Variants in FECH observed in about 807,000 individuals in gnomAD.
FECH encodes the protein ferrochelatase.
A neutral mutation model predicts 56.9 loss-of-function variants in FECH; 40 were observed. The ratio of observed to expected loss-of-function variants is 0.70; its 90% confidence interval spans 0.55 to 0.92. FECH has a LOEUF of 0.92. Among genes scored for constraint, FECH ranks in the 40% least tolerant of loss-of-function variants. The pLI is 0.00. For synonymous variants in FECH, 175 were observed against 198.6 expected, an observed-to-expected ratio of 0.88 and a Z score of 1.00; for missense variants, 431 against 529.1, an observed-to-expected ratio of 0.81 and a Z score of 1.82.
chr18:57,562,280 A>ACAT (rs2050955209), intron 6 of FECH, among the ~76,000 whole-genome samples: 2 of 152,210 alleles, frequency 1.3e-5, no homozygotes, highest in South Asian at 4.1e-4. Context: ...GAATATGGTA[A>ACAT]CATCAGTTCA....
At chr18:57,551,422 T>C in intron 9 of FECH, 48 bp from the exon 10 acceptor site, 1 of 1,488,356 alleles carries the variant, frequency 6.7e-7, no homozygotes, top group Non-Finnish European at 9.3e-7. Context: ...TATTTTATTT[T>C]CCTTTTTTTT....
chr18:57,566,845 C>T (rs766792834), intron 4 of FECH, among the ~76,000 whole-genome samples: 1 of 152,136 alleles, frequency 6.6e-6, no homozygotes, highest in African/African-American at 2.4e-5. Context: ...AACTTCTCTT[C>T]CTAATTCTCT....
rs3848519 is a variant in FECH at position 57,580,104 on chromosome 18, C to A, written c.163G>T (p.Gly55Cys). The A allele has an allele frequency of 0.022, 34,927 of 1,613,968 alleles. 508 individuals are homozygous for A. The highest frequency in any genetic ancestry group is 0.046 in the South Asian group (4,222 of 91,052). ...VTTETAQHAQ[G>C]AKPQVQPQKR... ...TGCGGTTGAACTTGAGGTTTTGCAC[C>A]CTGGGCATGCTGGGCTGTTTCTGTG... is the stretch of plus-strand genomic sequence containing the variant. Residue 55 changes from glycine (G) to cysteine (C), a missense_variant, in exon 2 of 11, where the codon GGT (glycine) becomes TGT (cysteine). By Grantham distance (159) the Gly-to-Cys change is radical (BLOSUM62 -3). Coordinates refer to ENST00000262093, the MANE Select transcript of FECH (RefSeq NM_000140.5).
intron 1 of FECH, among the ~76,000 whole-genome samples, chr18:57,583,786 C>G (rs1238337600): frequency 6.6e-6 from 1 of 151,092 alleles, no homozygotes; most frequent in Non-Finnish European, 1.5e-5. Context: ...TGTGGAGAGA[C>G]CCTATCTCTA....
rs1041951 is a variant in FECH at position 57,573,273 on chromosome 18, C to T, written c.287G>A (p.Arg96Gln). 0.13 allele frequency: 214,230 copies of T among 1,612,052 alleles called. 16,271 individuals are homozygous for T. Among genetic ancestry groups the T allele is most frequent in the Non-Finnish European group, 0.16 (185,064 of 1,178,092 alleles). Residue 96 changes from arginine to glutamine, a missense_variant, in exon 3 of 11, where the codon CGA becomes CAA. Transcript: ENST00000262093. ...CTGAATAGGAAGTGTCATGAGGTCT[C>T]GGTCCAAGAAGAGTCTCAGAAGGAA... is the stretch of plus-strand genomic sequence containing the variant. The part of the protein sequence containing the change: ...HDFLLRLFLD[R>Q]DLMTLPIQNK...
At chr18:57,580,647 C>T (rs1350804969) in intron 1 of FECH, among the ~76,000 whole-genome samples, 2 of 152,150 alleles carry the variant, frequency 1.3e-5, no homozygotes, top group Non-Finnish European at 2.9e-5. Flanking sequence ...AAGCCTTCTT[C>T]GGAAAGCACT....
rs10608112 is a variant in FECH at position 57,570,032 on chromosome 18, CGTGTGTGTGTGTGTGTGT to C, written c.463+1342_463+1359del. 7.2e-3 allele frequency among the ~76,000 whole-genome samples: 889 copies of C among 122,858 alleles called. 7 individuals carry two copies. Among genetic ancestry groups the C allele is most frequent in the African/African-American group, 0.019 (677 of 34,876 alleles). The allele number at this position is 122,858 out of a possible 152,430, so 80.6% of individuals were successfully genotyped here. ...TTGCTGTTGTTGTTGTTGTTGTTGT[CGTGTGTGTGTGTGTGTGT>C]GTGTGTGTGTGTGTGTGTGTGTGTG... On this transcript the variant is annotated intron_variant, in intron 4 of 10. Transcript: ENST00000262093.
intron 7 of FECH, among the ~76,000 whole-genome samples, chr18:57,558,051 C>G (rs1283031796): frequency 1.3e-5 from 2 of 152,236 alleles, no homozygotes; most frequent in Non-Finnish European, 2.9e-5. Flanking sequence ...TCTGCAGAGG[C>G]TTGGCCCTAG....
chr18:57,553,909 A>G (rs2050832484), intron 9 of FECH, among the ~76,000 whole-genome samples: 1 of 152,244 alleles, frequency 6.6e-6, no homozygotes, highest in Non-Finnish European at 1.5e-5. Flanking sequence ...TAAAACAATA[A>G]AATGTTTTCC....
At chr18:57,555,217 A>C (rs1280989852) in intron 7 of FECH, among the ~76,000 whole-genome samples, 1 of 152,228 alleles carries the variant, frequency 6.6e-6, no homozygotes, top group African/African-American at 2.4e-5. Context: ...TGGGGGACTC[A>C]CAAGATCTAA....
At chr18:57,564,472 T>C (rs1452910121) in intron 5 of FECH, among the ~76,000 whole-genome samples, 1 of 152,158 alleles carries the variant, frequency 6.6e-6, no homozygotes, top group African/African-American at 2.4e-5. Context: ...ATAGGGCAAG[T>C]CCCAAAACAT....
At chr18:57,575,330 C>T (rs921991981) in intron 2 of FECH, among the ~76,000 whole-genome samples, 4 of 152,188 alleles carry the variant, frequency 2.6e-5, no homozygotes, top group African/African-American at 9.7e-5. Flanking sequence ...ATCTCCTACA[C>T]CAGACTACCT....
intron 5 of FECH, 37 bp from the exon 6 acceptor site, chr18:57,563,017 G>T: frequency 6.5e-7 from 1 of 1,536,076 alleles, no homozygotes; most frequent in South Asian, 1.1e-5. Flanking sequence ...GATGCATTTT[G>T]ATTATGGTGA....
At chr18:57,572,513 TAAAAAAAAAAAA>T (rs57279341) in intron 3 of FECH, among the ~76,000 whole-genome samples, 1 of 55,994 alleles carries the variant, frequency 1.8e-5, no homozygotes, top group Non-Finnish European at 3.0e-5. Context: ...TATACGTATG[TAAAAAAAAAAAA>T]AAAAAAAAAA....
At chr18:57,555,655 A>G (rs2050858612) in intron 7 of FECH, among the ~76,000 whole-genome samples, 2 of 152,196 alleles carry the variant, frequency 1.3e-5, no homozygotes, top group African/African-American at 4.8e-5. Flanking sequence ...ATTTTCTTCT[A>G]TAACATATAT....
chr18:57,559,091 T>C lies in FECH; in HGVS notation c.804+54A>G, dbSNP rs1018015971. 4.1e-6 allele frequency: 5 copies of C among 1,210,636 alleles called. No homozygotes were observed. In the African/African-American group the frequency reaches 6.0e-5, roughly 15 times the overall value. 75.0% of individuals were successfully genotyped at this position (1,210,636 alleles called of 1,614,324 possible). A position where few individuals can be genotyped will look rare whatever the true frequency, so the allele number is the denominator to read the frequency against. Reference sequence around the variant, plus strand: ...GGACCCATTTTACACATTTAGAAAATGAAATCACCCAATCCTCTATCACTA... The same window carrying C: ...GGACCCATTTTACACATTTAGAAAACGAAATCACCCAATCCTCTATCACTA... On this transcript the variant is annotated intron_variant, in intron 7 of 10. Coordinates refer to ENST00000262093, the MANE Select transcript of FECH (RefSeq NM_000140.5).
At chr18:57,579,658 T>C (rs2051245486) in intron 2 of FECH, among the ~76,000 whole-genome samples, 1 of 152,222 alleles carries the variant, frequency 6.6e-6, no homozygotes, top group African/African-American at 2.4e-5. Flanking sequence ...GTTCACTGTG[T>C]TAAGGGATGA....
rs1044669191 is a variant in FECH at position 57,544,535 on chromosome 18, G to A, written c.*6177C>T. Among the ~76,000 whole-genome samples, 5 of 152,174 alleles carry A rather than the reference G, an allele frequency of 3.3e-5. No individual in the cohort carries two copies. The highest frequency in any genetic ancestry group is 7.3e-5 in the Non-Finnish European group (5 of 68,038). On this transcript the variant is annotated 3_prime_UTR_variant, in exon 11 of 11. Transcript: ENST00000262093. ...TTTTGTTGATGTTTACCAAGCTCTC[G>A]CATCTGCAGCCAACCTATGGTTGCA...
chr18:57,553,321 G>A (rs1458224350), intron 9 of FECH, among the ~76,000 whole-genome samples: 1 of 152,130 alleles, frequency 6.6e-6, no homozygotes, highest in Non-Finnish European at 1.5e-5. Flanking sequence ...ATGTCTGATT[G>A]ATGTCCAGCA....
Sources: allele counts gnomAD v4.1 joint callset (sites outside exome capture counted in the v4.1 genomes callset), GRCh38; gene constraint gnomAD v4.1.1; transcripts MANE v1.5; gene names NCBI Gene and HGNC (gene_info 2026-07-23, HGNC 2026-07-21).